The following ZNRF1 variants were observed in gnomAD, a reference collection of about 807,000 sequenced individuals.
The protein encoded by ZNRF1 is E3 ubiquitin-protein ligase ZNRF1.
ZNRF1 carries 3 observed loss-of-function variants against 18.4 expected under a neutral mutation model. The ratio of observed to expected loss-of-function variants is 0.16; its 90% CI spans 0.07 to 0.42. ZNRF1 has a LOEUF of 0.42. Among genes scored for constraint, ZNRF1 ranks in the 10% least tolerant of loss-of-function variants. ZNRF1 has a pLI of 0.99. For synonymous variants in ZNRF1, 157 were observed against 144.2 expected (o/e 1.09, Z -0.64); for missense variants, 310 against 329.8 (o/e 0.94, Z 0.47).
At chr16:75,055,076 G>T (rs1194125357) in intron 1 of ZNRF1, among the ~76,000 whole-genome samples, 1 of 152,192 alleles carries the variant, frequency 6.6e-6, no homozygotes, top group African/African-American at 2.4e-5. Context: ...GCAGGCGTTC[G>T]TTTGTAAAGA....
intron 1 of ZNRF1, among the ~76,000 whole-genome samples, chr16:75,010,712 T>TTTTG: frequency 4.6e-5 from 2 of 43,952 alleles, no homozygotes; most frequent in East Asian, 1.4e-3. Context: ...TTTTTTTTTG[T>TTTTG]TTTTTTGTTT....
intron 1 of ZNRF1, among the ~76,000 whole-genome samples, chr16:75,050,902 A>AC (rs2035591046): frequency 7.4e-6 from 1 of 135,574 alleles, no homozygotes; most frequent in Non-Finnish European, 1.6e-5. Context: ...AAAAAAACAA[A>AC]AAACTTGTAG....
In ZNRF1 at chr16:75,038,903, C is replaced by A. The variant is rs149538526; in HGVS notation, c.424+38808C>A. 3.4e-3 allele frequency among the ~76,000 whole-genome samples: 525 copies of A among 152,224 alleles called. 2 individuals are homozygous for A. Among genetic ancestry groups the A allele is most frequent in the African/African-American group, 0.012 (503 of 41,532 alleles). ...ACAGTCCTACTTCTGTAAAATTTCC[C>A]CATCTGCTCCAGTATACAGTGATGT... On this transcript the variant is annotated intron_variant, in intron 1 of 4. Coordinates refer to ENST00000335325, the MANE Select transcript of ZNRF1 (RefSeq NM_032268.5).
chr16:75,018,788 C>T (rs372467738), intron 1 of ZNRF1, among the ~76,000 whole-genome samples: 13 of 151,904 alleles, frequency 8.6e-5, no homozygotes, highest in African/African-American at 2.4e-4. Context: ...AGATTTAATA[C>T]GTTAATATTC....
chr16:75,005,032 G>A (rs1320961967), intron 1 of ZNRF1, among the ~76,000 whole-genome samples: 1 of 152,178 alleles, frequency 6.6e-6, no homozygotes, highest in Non-Finnish European at 1.5e-5. Flanking sequence ...GCTAATGGGG[G>A]AGAATTGCCA....
chr16:75,000,236 A>G (rs748243843), intron 1 of ZNRF1, 141 bp downstream of exon 1: 7 of 1,167,976 alleles, frequency 6.0e-6, no homozygotes, highest in South Asian at 3.9e-5. Flanking sequence ...CCAAGGGATA[A>G]ATGGGATACC....
chr16:75,099,737 TGTGTG>T (rs2036234944), intron 2 of ZNRF1, among the ~76,000 whole-genome samples: 1 of 152,164 alleles, frequency 6.6e-6, no homozygotes, highest in Admixed American at 6.5e-5. Context: ...AGTCTCAGTT[TGTGTG>T]GGCCAGGCGC....
intron 1 of ZNRF1, among the ~76,000 whole-genome samples, chr16:75,044,325 C>A (rs2035486984): frequency 6.6e-6 from 1 of 152,072 alleles, no homozygotes; most frequent in South Asian, 2.1e-4. Flanking sequence ...TTCAAGTGAT[C>A]CTCCCACTTC....
chr16:75,058,825 G>A (rs1597886061), intron 1 of ZNRF1, among the ~76,000 whole-genome samples: 2 of 152,104 alleles, frequency 1.3e-5, no homozygotes, highest in Admixed American at 6.5e-5. Context: ...TAAATAAATC[G>A]GTCTCATCCC....
rs116234983 is a variant in ZNRF1, at chr16:75,010,480, A to C, written c.424+10385A>C. Among the ~76,000 whole-genome samples, 1,062 of 152,302 alleles carry C rather than the reference A, an allele frequency of 7.0e-3. 8 individuals are homozygous for C. Among genetic ancestry groups the C allele is most frequent in the African/African-American group, 0.024 (993 of 41,574 alleles). On this transcript the variant is annotated intron_variant, in intron 1 of 4. Coordinates refer to ENST00000335325, the MANE Select transcript of ZNRF1 (RefSeq NM_032268.5). ...TCTCATGCCAAGAGATTTTATGAGT[A>C]CTTTGGCTGTTGGTAGTGCCTTACT...
intron 1 of ZNRF1, among the ~76,000 whole-genome samples, chr16:75,002,137 C>G (rs749448040): frequency 6.6e-6 from 1 of 152,298 alleles, no homozygotes; most frequent in South Asian, 2.1e-4. Flanking sequence ...TTCCCAAATG[C>G]CCTCTGGGGT....
At chr16:75,021,225 G>C (rs1044817115) in intron 1 of ZNRF1, among the ~76,000 whole-genome samples, 1 of 152,042 alleles carries the variant, frequency 6.6e-6, no homozygotes, top group African/African-American at 2.4e-5. Context: ...GTTTTTAGTA[G>C]AGACTCTTTC....
At position 75,017,008 on chromosome 16, in the gene ZNRF1, T is replaced by C. The variant is rs371751505; in HGVS notation, c.424+16913T>C. Among the ~76,000 whole-genome samples, 67 of 152,344 alleles carry C rather than the reference T, an allele frequency of 4.4e-4. 2 individuals carry two copies. Among genetic ancestry groups the C allele is most frequent in the African/African-American group, 1.6e-3 (66 of 41,576 alleles). Reference sequence around the variant, plus strand: ...ACTGCTCTGTTTAAAGCTGGTATTCTTTTTTAATGATAGGACATCTGGCAA... The same window carrying C: ...ACTGCTCTGTTTAAAGCTGGTATTCCTTTTTAATGATAGGACATCTGGCAA... On this transcript the variant is annotated intron_variant, in intron 1 of 4. Transcript: ENST00000335325.
chr16:75,015,981 C>T (rs924584365), intron 1 of ZNRF1, among the ~76,000 whole-genome samples: 7 of 146,814 alleles, frequency 4.8e-5, no homozygotes, highest in African/African-American at 1.3e-4. Flanking sequence ...AATGCAATGG[C>T]GCGATCTCCT....
rs556320175 is a variant in ZNRF1, at chr16:75,042,447, T to C, written c.424+42352T>C. Among the ~76,000 whole-genome samples, 610 of 147,516 alleles carry C rather than the reference T, an allele frequency of 4.1e-3. 5 individuals are homozygous for C. The highest frequency in any genetic ancestry group is 0.014 in the African/African-American group (569 of 40,730). On this transcript the variant is annotated intron_variant, in intron 1 of 4. Transcript: ENST00000335325. ...GGAGGGAGTGTCTGTTTCTTTCTTT[T>C]TTTTTTTTTTTTTTTGTAAACACAC...
intron 1 of ZNRF1, among the ~76,000 whole-genome samples, chr16:75,072,528 C>T (rs528457296): frequency 6.6e-6 from 1 of 152,284 alleles, no homozygotes; most frequent in South Asian, 2.1e-4. Context: ...GTGTCCAGTC[C>T]AGTGCCTGAC....
intron 1 of ZNRF1, among the ~76,000 whole-genome samples, chr16:75,072,986 G>T (rs1479834578): frequency 2.0e-5 from 3 of 152,170 alleles, no homozygotes; most frequent in Non-Finnish European, 4.4e-5. Flanking sequence ...GTGAAAGAAA[G>T]CATTTAAAAA....
intron 1 of ZNRF1, among the ~76,000 whole-genome samples, chr16:75,076,762 T>G (rs932621390): frequency 3.3e-5 from 5 of 151,422 alleles, no homozygotes; most frequent in African/African-American, 1.2e-4. Flanking sequence ...GGAGGACTTT[T>G]GGGAGATAAG....
chr16:75,103,259 T>C (rs2036273607), intron 2 of ZNRF1, among the ~76,000 whole-genome samples: 1 of 152,218 alleles, frequency 6.6e-6, no homozygotes, highest in African/African-American at 2.4e-5. Flanking sequence ...TTCCTTCTTT[T>C]TGGGATGGTG....
Sources: gnomAD v4.1 joint callset for allele counts (sites outside exome capture counted in the v4.1 genomes callset) on GRCh38, gnomAD v4.1.1 for gene constraint, MANE v1.5 for transcripts, NCBI Gene and HGNC (gene_info 2026-07-23, HGNC 2026-07-21) for gene names.